NCOA1: variants seen among roughly 807,000 people sequenced by gnomAD.
NCOA1 encodes Hin-2 protein.
NCOA1 carries 35 observed loss-of-function variants against 150.9 expected under a neutral mutation model. The ratio of observed to expected loss-of-function variants is 0.23; its 90% CI spans 0.18 to 0.31. The LOEUF (loss-of-function observed/expected upper bound fraction) is 0.31, where lower values mean the gene tolerates loss of function less well. NCOA1 is among the 10% of genes least tolerant of loss of function. NCOA1 has a pLI of 1.00. For synonymous variants in NCOA1, 590 were observed against 630.0 expected (o/e 0.94, Z 0.95); for missense variants, 1,491 against 1,749.3 (o/e 0.85, Z 2.63).
intron 3 of NCOA1, among the ~76,000 whole-genome samples, chr2:24,612,147 G>T (rs944477454): frequency 3.9e-5 from 6 of 152,090 alleles, no homozygotes; most frequent in African/African-American, 1.4e-4. Context: ...GTCTGGAAAA[G>T]ATTTTATTTC....
rs571019834 is a variant in NCOA1, at chr2:24,628,051, G to A, written c.-174-15915G>A. On this transcript the variant is annotated intron_variant, in intron 3 of 22. Transcript: ENST00000348332. Reference sequence around the variant, plus strand: ...GCGGTGGCTCACGCCTGTAATCCCAGCACTTTGGGAGGCTGAGGCGGGTGG... The same window carrying A: ...GCGGTGGCTCACGCCTGTAATCCCAACACTTTGGGAGGCTGAGGCGGGTGG... 2.0e-5 allele frequency among the ~76,000 whole-genome samples: 3 copies of A among 152,274 alleles called. 1 individual carries two copies. In the South Asian group the frequency reaches 6.2e-4, roughly 32 times the overall value.
intron 3 of NCOA1, among the ~76,000 whole-genome samples, chr2:24,588,229 T>C (rs568996597): frequency 6.6e-6 from 1 of 152,216 alleles, no homozygotes; most frequent in South Asian, 2.1e-4. Context: ...GGACTACAGG[T>C]GCTCGCCACC....
At chr2:24,735,486 T>C (rs997854221) in intron 17 of NCOA1, among the ~76,000 whole-genome samples, 5 of 152,114 alleles carry the variant, frequency 3.3e-5, no homozygotes, top group Admixed American at 1.3e-4. Flanking sequence ...TTCCTTCTTT[T>C]TGGTGAATTT....
At chr2:24,496,954 C>T (rs1387301560) in intron 1 of NCOA1, among the ~76,000 whole-genome samples, 7 of 152,006 alleles carry the variant, frequency 4.6e-5, no homozygotes, top group African/African-American at 1.7e-4. Context: ...TAATTAAGAC[C>T]GTTTTCTCAA....
rs977123289 is a variant in NCOA1 at position 24,768,182 on chromosome 2, G to A, written c.4156-39G>A. The A allele has an allele frequency of 6.8e-6, 11 of 1,613,424 alleles. 1 individual carries two copies. In the East Asian group the frequency reaches 2.5e-4, roughly 36 times the overall value. On this transcript the variant is annotated intron_variant, in intron 22 of 22. Coordinates refer to ENST00000348332, the MANE Select transcript of NCOA1 (RefSeq NM_003743.5). The stretch of plus-strand genomic sequence containing the variant: ...TACCCACTCATAAGCCGGGGGGGCA[G>A]ACCCTTCTGTCTAAACACATCTTTT...
At chr2:24,738,823 G>T (rs1663457629) in intron 17 of NCOA1, among the ~76,000 whole-genome samples, 1 of 152,120 alleles carries the variant, frequency 6.6e-6, no homozygotes. Flanking sequence ...ACCAATTTGG[G>T]AAATGCTGGT....
intron 20 of NCOA1, among the ~76,000 whole-genome samples, chr2:24,753,430 G>C (rs1664345502): frequency 6.6e-6 from 1 of 150,928 alleles, no homozygotes; most frequent in Admixed American, 6.6e-5. Context: ...CCCCTTTACA[G>C]TTAAATTCCT....
At chr2:24,642,522 T>A (rs1670278902) in intron 3 of NCOA1, among the ~76,000 whole-genome samples, 1 of 152,094 alleles carries the variant, frequency 6.6e-6, no homozygotes, top group African/African-American at 2.4e-5. Flanking sequence ...TGGATGACAT[T>A]GTGGATTGTT....
At chr2:24,757,912 A>T in intron 20 of NCOA1, 61 bp from the exon 21 acceptor site, 1 of 1,511,564 alleles carries the variant, frequency 6.6e-7, no homozygotes, top group Non-Finnish European at 9.1e-7. Flanking sequence ...AACAGAATCT[A>T]GTCATATATC....
chr2:24,570,071 T>A (rs1055630007), intron 2 of NCOA1, among the ~76,000 whole-genome samples: 27 of 144,912 alleles, frequency 1.9e-4, no homozygotes, highest in African/African-American at 6.4e-4. Context: ...TTTTTTTTTT[T>A]AGCATTCAAA....
At chr2:24,759,127 C>T (rs1408279687) in intron 21 of NCOA1, among the ~76,000 whole-genome samples, 1 of 152,162 alleles carries the variant, frequency 6.6e-6, no homozygotes. Context: ...CAAAGATAGC[C>T]TTGTGGGACA....
At chr2:24,605,287 C>G (rs1668314891) in intron 3 of NCOA1, among the ~76,000 whole-genome samples, 8 of 152,114 alleles carry the variant, frequency 5.3e-5, no homozygotes, top group Admixed American at 5.2e-4. Flanking sequence ...TGCCACAAAC[C>G]TTCAATTTGT....
At chr2:24,742,537 T>C (rs969583304) in intron 19 of NCOA1, among the ~76,000 whole-genome samples, 56 of 151,820 alleles carry the variant, frequency 3.7e-4, no homozygotes, top group African/African-American at 1.3e-3. Flanking sequence ...GCTCACTGCA[T>C]CCTCCACCTC....
chr2:24,702,594 AAAAT>A, intron 11 of NCOA1, among the ~76,000 whole-genome samples: 1 of 152,276 alleles, frequency 6.6e-6, no homozygotes, highest in East Asian at 1.9e-4. Context: ...TCTAGGGATA[AAAAT>A]AAATAAAAAA....
Position 24,768,480 on chromosome 2 carries a change from A to AG in NCOA1, c.*89_*90insG. 1 of 786,292 alleles carries AG rather than the reference A, an allele frequency of 1.3e-6. No individual in the cohort carries two copies. Among genetic ancestry groups the AG allele is most frequent in the Non-Finnish European group, 1.7e-6 (1 of 576,326 alleles). The allele number at this position is 786,292 out of a possible 1,614,324, so 48.7% of individuals were successfully genotyped here. Reference sequence around the variant, plus strand: ...ATTTTTCTGAGATTTTTGATATCTCAATCTGCAGCCATTCTTCAGGTCGTA... The same window carrying AG: ...ATTTTTCTGAGATTTTTGATATCTCAGATCTGCAGCCATTCTTCAGGTCGTA... On this transcript the variant is annotated 3_prime_UTR_variant, in exon 23 of 23. Coordinates refer to ENST00000348332, the MANE Select transcript of NCOA1 (RefSeq NM_003743.5).
In NCOA1 at chr2:24,691,471, T is replaced by C. The variant is rs1056467171; in HGVS notation, c.533-10T>C. On this transcript the variant is annotated splice_polypyrimidine_tract_variant and intron_variant, in intron 8 of 22. Transcript: ENST00000348332. ...TATTCGCAAGCACATAATCAATTTT[T>C]CTTCCTCAGTAAATGGAGTTCCTTG... 2 of 1,611,386 alleles carry C rather than the reference T, an allele frequency of 1.2e-6. No individual in the cohort carries two copies. Among genetic ancestry groups the C allele is most frequent in the Non-Finnish European group, 1.7e-6 (2 of 1,178,696 alleles).
intron 11 of NCOA1, among the ~76,000 whole-genome samples, chr2:24,702,452 A>C (rs1673210338): frequency 6.6e-6 from 1 of 152,192 alleles, no homozygotes; most frequent in African/African-American, 2.4e-5. Context: ...AATATCAGTC[A>C]GGCATGCTTG....
intron 11 of NCOA1, 108 bp from the exon 12 acceptor site, chr2:24,704,978 T>A: frequency 8.7e-7 from 1 of 1,144,948 alleles, no homozygotes; most frequent in Non-Finnish European, 1.2e-6. Context: ...CAGGCAACAG[T>A]TGGGAGGGCC....
chr2:24,560,767 A>G (rs1342409650), intron 1 of NCOA1, among the ~76,000 whole-genome samples: 4 of 152,214 alleles, frequency 2.6e-5, no homozygotes, highest in African/African-American at 9.6e-5. Flanking sequence ...GTTTATGAGC[A>G]TAATGGTTGT....
Sources: gnomAD v4.1 joint callset for allele counts (sites outside exome capture counted in the v4.1 genomes callset) on GRCh38, gnomAD v4.1.1 for gene constraint, MANE v1.5 for transcripts, NCBI Gene and HGNC (gene_info 2026-07-23, HGNC 2026-07-21) for gene names.